ACOXL: variants seen among roughly 807,000 people sequenced by gnomAD.
The protein encoded by ACOXL is acyl-coenzyme A oxidase-like protein.
ACOXL carries 70 observed loss-of-function variants against 71.9 expected under a neutral mutation model. The observed-to-expected ratio is 0.97, with a 90% CI of 0.80 to 1.19. ACOXL has a LOEUF of 1.19. Among genes scored for constraint, ACOXL ranks in the 50% most tolerant of loss-of-function variants. The pLI is 0.00. For missense variants in ACOXL, 703 were observed against 736.3 expected, an observed-to-expected ratio of 0.95 and a Z score of 0.52; for synonymous variants, 253 against 281.6, an observed-to-expected ratio of 0.90 and a Z score of 1.02.
intron 12 of ACOXL, among the ~76,000 whole-genome samples, chr2:110,971,655 G>A (rs2062194309): frequency 6.6e-6 from 1 of 152,204 alleles, no homozygotes; most frequent in Non-Finnish European, 1.5e-5. Context: ...AATGAGGACA[G>A]TGGCATGTAG....
intron 13 of ACOXL, among the ~76,000 whole-genome samples, chr2:110,988,439 A>G (rs905766196): frequency 3.4e-5 from 5 of 146,608 alleles, no homozygotes; most frequent in African/African-American, 1.2e-4. Flanking sequence ...GACCTTGCCT[A>G]AAAAAAAAAA....
chr2:111,028,538 A>G (rs2065119843), intron 14 of ACOXL, among the ~76,000 whole-genome samples: 1 of 107,004 alleles, frequency 9.3e-6, no homozygotes, highest in Non-Finnish European at 2.0e-5. Context: ...TGTTGAAAGG[A>G]AGTGCTGATA....
chr2:110,815,404 A>G (rs1687802038), intron 9 of ACOXL, among the ~76,000 whole-genome samples: 1 of 152,204 alleles, frequency 6.6e-6, no homozygotes, highest in South Asian at 2.1e-4. Flanking sequence ...TCTATTTCAT[A>G]TTCTCCTTTG....
At chr2:111,011,227 A>G (rs1235535030) in intron 14 of ACOXL, among the ~76,000 whole-genome samples, 1 of 152,184 alleles carries the variant, frequency 6.6e-6, no homozygotes, top group African/African-American at 2.4e-5. Flanking sequence ...GTATCATATT[A>G]ATTCAAAGCA....
In ACOXL at chr2:110,933,508, G is replaced by C. The variant is rs749849684; in HGVS notation, c.925G>C (p.Asp309His). ...CTGCAGGTATGCTGGGGCCCTCCTGGATGAGGATGTCTTCCAGGGAAAGGA... is the reference window on the plus strand; with the variant it reads ...CTGCAGGTATGCTGGGGCCCTCCTGCATGAGGATGTCTTCCAGGGAAAGGA... The part of the protein sequence containing the change: ...FVSRYAGALL[D>H]EDVFQGKELV... The change falls in exon 12 of 18, where the codon GAT (aspartate) becomes CAT (histidine). Residue 309 changes from aspartate (D) to histidine (H), a missense_variant. Asp to His is a moderately conservative substitution (Grantham distance 81). Transcript: ENST00000439055. 2.5e-6 allele frequency: 4 copies of C among 1,614,118 alleles called. No homozygotes were observed. Among genetic ancestry groups the C allele is most frequent in the Non-Finnish European group, 3.4e-6 (4 of 1,179,978 alleles).
At chr2:110,834,862 C>A (rs1015477115) in intron 9 of ACOXL, among the ~76,000 whole-genome samples, 1 of 152,222 alleles carries the variant, frequency 6.6e-6, no homozygotes, top group Non-Finnish European at 1.5e-5. Flanking sequence ...CACAACTTTT[C>A]AAGTCTGGGT....
intron 10 of ACOXL, among the ~76,000 whole-genome samples, chr2:110,874,339 G>A (rs1044872490): frequency 3.3e-5 from 5 of 152,144 alleles, no homozygotes; most frequent in South Asian, 2.1e-4. Flanking sequence ...TGCAAAATAC[G>A]TCTCTCCCAC....
intron 1 of ACOXL, among the ~76,000 whole-genome samples, chr2:110,749,082 C>T (rs1228867865): frequency 6.6e-6 from 1 of 152,094 alleles, no homozygotes. Context: ...ATTCTGTGGT[C>T]GAAGGGTGGA....
chr2:110,940,763 A>T (rs1396475384), intron 12 of ACOXL, among the ~76,000 whole-genome samples: 1 of 152,234 alleles, frequency 6.6e-6, no homozygotes, highest in Non-Finnish European at 1.5e-5. Flanking sequence ...GGAAATCACG[A>T]GAAAGTCTTA....
At chr2:110,856,327 C>A (rs1380733866) in intron 10 of ACOXL, among the ~76,000 whole-genome samples, 1 of 152,122 alleles carries the variant, frequency 6.6e-6, no homozygotes, top group African/African-American at 2.4e-5. Context: ...GTTACCCACC[C>A]GTTAGTCACT....
At chr2:110,843,279 C>G (rs1691398332) in intron 10 of ACOXL, among the ~76,000 whole-genome samples, 1 of 152,154 alleles carries the variant, frequency 6.6e-6, no homozygotes, top group Non-Finnish European at 1.5e-5. Flanking sequence ...CTTGGCCTCC[C>G]AAATTGCTGG....
At chr2:110,814,063 T>G (rs1687647551) in intron 9 of ACOXL, among the ~76,000 whole-genome samples, 1 of 152,236 alleles carries the variant, frequency 6.6e-6, no homozygotes, top group Non-Finnish European at 1.5e-5. Flanking sequence ...CTGGCGTTCC[T>G]GGAACACTTT....
At chr2:111,089,171 G>A (rs193143817) in intron 16 of ACOXL, among the ~76,000 whole-genome samples, 4 of 152,248 alleles carry the variant, frequency 2.6e-5, no homozygotes, top group African/African-American at 4.8e-5. Context: ...ATGGTGGCGT[G>A]AGCATGTAGT....
intron 16 of ACOXL, among the ~76,000 whole-genome samples, chr2:111,069,030 G>A (rs1262218097): frequency 5.3e-5 from 8 of 151,924 alleles, no homozygotes; most frequent in Non-Finnish European, 1.0e-4. Flanking sequence ...TGCTCCCTAT[G>A]GTGTATTTTT....
chr2:110,939,531 C>A (rs2060792651), intron 12 of ACOXL, among the ~76,000 whole-genome samples: 1 of 152,168 alleles, frequency 6.6e-6, no homozygotes, highest in South Asian at 2.1e-4. Context: ...TGTAGGTGTA[C>A]CATAATGCAT....
intron 11 of ACOXL, among the ~76,000 whole-genome samples, chr2:110,919,355 ATG>A (rs1027696293): frequency 2.8e-5 from 4 of 143,336 alleles, no homozygotes; most frequent in African/African-American, 1.0e-4. Flanking sequence ...GAGCTGAACA[ATG>A]AGAACACATG....
intron 16 of ACOXL, among the ~76,000 whole-genome samples, chr2:111,056,201 A>T (rs1456369108): frequency 4.8e-5 from 1 of 20,626 alleles, no homozygotes; most frequent in Non-Finnish European, 9.6e-5. Context: ...CCCCAACTTT[A>T]AAAAAAAAAA....
chr2:110,941,082 T>A (rs987905778), intron 12 of ACOXL, among the ~76,000 whole-genome samples: 1 of 152,212 alleles, frequency 6.6e-6, no homozygotes, highest in African/African-American at 2.4e-5. Flanking sequence ...AAATGAACGA[T>A]ACTGGTTGGA....
At chr2:110,988,679 C>T (rs1044366181) in intron 13 of ACOXL, among the ~76,000 whole-genome samples, 1 of 152,088 alleles carries the variant, frequency 6.6e-6, no homozygotes, top group Non-Finnish European at 1.5e-5. Flanking sequence ...CTCACCAACC[C>T]TTGGTACTAT....
Sources: gnomAD v4.1 joint callset for allele counts (sites outside exome capture counted in the v4.1 genomes callset) on GRCh38, gnomAD v4.1.1 for gene constraint, MANE v1.5 for transcripts, NCBI Gene and HGNC (gene_info 2026-07-23, HGNC 2026-07-21) for gene names.